The following DLGAP2 variants were observed in gnomAD, a reference collection of about 807,000 sequenced individuals.
DLGAP2 encodes disks large-associated protein 2.
Under a neutral mutation model 100.3 loss-of-function variants are expected in DLGAP2, and 26 were observed. The ratio of observed to expected loss-of-function variants is 0.26; its 90% CI spans 0.19 to 0.36. The LOEUF is 0.36. Ranked by LOEUF, DLGAP2 falls within the 10% of genes least tolerant of loss-of-function variation. The pLI, the probability that DLGAP2 is intolerant of heterozygous loss-of-function variation, is 1.00. For synonymous variants in DLGAP2, 886 were observed against 630.1 expected (o/e 1.41, Z -6.08); for missense variants, 1,858 against 1,453.2 (o/e 1.28, Z -4.53).
chr8:925,887 T>C (rs1294007524), intron 2 of DLGAP2, among the ~76,000 whole-genome samples: 1 of 152,118 alleles, frequency 6.6e-6, no homozygotes, highest in African/African-American at 2.4e-5. Context: ...TAATAAAATG[T>C]ATTTTAATTA....
At chr8:805,520 G>C (rs974395442) in intron 1 of DLGAP2, among the ~76,000 whole-genome samples, 1 of 152,174 alleles carries the variant, frequency 6.6e-6, no homozygotes, top group Admixed American at 6.5e-5. Flanking sequence ...GCTCGCAATC[G>C]GGTTGCATTT....
intron 3 of DLGAP2, among the ~76,000 whole-genome samples, chr8:1,361,499 G>A (rs935438943): frequency 9.9e-5 from 15 of 152,154 alleles, no homozygotes; most frequent in Admixed American, 3.3e-4. Context: ...GGCTCTGTAG[G>A]TAGCCGTCTG....
intron 3 of DLGAP2, among the ~76,000 whole-genome samples, chr8:1,458,235 A>C (rs1447147507): frequency 6.6e-6 from 1 of 151,782 alleles, no homozygotes; most frequent in Admixed American, 6.6e-5. Flanking sequence ...AAGATCTTCT[A>C]TGTTGCCTTC....
intron 2 of DLGAP2, among the ~76,000 whole-genome samples, chr8:1,185,135 C>T (rs1030775255): frequency 6.6e-5 from 10 of 152,048 alleles, no homozygotes; most frequent in Admixed American, 5.2e-4. Flanking sequence ...GCACTGGTGG[C>T]GACGGCATAA....
chr8:822,564 A>T (rs1203191614), intron 1 of DLGAP2, among the ~76,000 whole-genome samples: 1 of 152,246 alleles, frequency 6.6e-6, no homozygotes. Context: ...GAGCAGGGCC[A>T]CGTCACTGCG....
chr8:824,586 C>A (rs1258829412), intron 1 of DLGAP2, among the ~76,000 whole-genome samples: 1 of 151,812 alleles, frequency 6.6e-6, no homozygotes. Flanking sequence ...CTTGTCCTGG[C>A]CCCAGTCCTG....
At chr8:1,259,382 A>C (rs928217832) in intron 3 of DLGAP2, among the ~76,000 whole-genome samples, 1 of 152,242 alleles carries the variant, frequency 6.6e-6, no homozygotes, top group African/African-American at 2.4e-5. Context: ...CACGCGGCAA[A>C]GTAGGGCCCC....
chr8:1,470,134 C>T (rs1270736260), intron 3 of DLGAP2, among the ~76,000 whole-genome samples: 1 of 152,120 alleles, frequency 6.6e-6, no homozygotes, highest in Non-Finnish European at 1.5e-5. Flanking sequence ...CGCACTGCAG[C>T]CTGGGTGACA....
intron 1 of DLGAP2, among the ~76,000 whole-genome samples, chr8:809,282 A>C (rs1479267229): frequency 6.6e-6 from 1 of 152,172 alleles, no homozygotes; most frequent in Admixed American, 6.5e-5. Flanking sequence ...CTGTTGTTTA[A>C]TGTCCAAATT....
chr8:744,686 G>A lies in DLGAP2; in HGVS notation c.18+6861G>A, dbSNP rs113262733. 6.2e-4 allele frequency among the ~76,000 whole-genome samples: 93 copies of A among 149,638 alleles called. 1 individual carries two copies. The highest frequency in any genetic ancestry group is 2.2e-3 in the African/African-American group (88 of 40,630). ...CACTCCCTGCCTCTTCTCCGGCCAC[G>A]TCGCCCTCCCGGGGTGCTGGCTGTC... is the stretch of plus-strand genomic sequence containing the variant. On this transcript the variant is annotated intron_variant, in intron 1 of 14. Coordinates refer to ENST00000637795, the MANE Select transcript of DLGAP2 (RefSeq NM_001346810.2).
chr8:1,208,182 AT>A (rs1177940896), intron 2 of DLGAP2, among the ~76,000 whole-genome samples: 1 of 152,146 alleles, frequency 6.6e-6, no homozygotes, highest in East Asian at 1.9e-4. Context: ...CTTCTAGAAT[AT>A]TTAGGGTTTC....
chr8:1,338,467 C>T (rs888727779), intron 3 of DLGAP2, among the ~76,000 whole-genome samples: 3 of 152,108 alleles, frequency 2.0e-5, no homozygotes, highest in Admixed American at 6.6e-5. Flanking sequence ...AACTAAATTG[C>T]CTGGGTCTGG....
At chr8:1,210,679 G>A (rs558623765) in intron 2 of DLGAP2, among the ~76,000 whole-genome samples, 1 of 152,128 alleles carries the variant, frequency 6.6e-6, no homozygotes, top group Non-Finnish European at 1.5e-5. Flanking sequence ...AGTGAGTCTG[G>A]GGCCACTTGA....
intron 2 of DLGAP2, among the ~76,000 whole-genome samples, chr8:1,089,386 A>G (rs972740968): frequency 1.3e-5 from 2 of 152,226 alleles, no homozygotes; most frequent in Non-Finnish European, 2.9e-5. Flanking sequence ...CCCCTGAGGC[A>G]TGCTGCCCTC....
At chr8:1,442,185 A>G (rs929567593) in intron 3 of DLGAP2, among the ~76,000 whole-genome samples, 3 of 103,512 alleles carry the variant, frequency 2.9e-5, no homozygotes, top group African/African-American at 8.9e-5. Context: ...GGATCCAGGC[A>G]TAGACCTGCC....
At chr8:1,146,272 C>T (rs982786809) in intron 2 of DLGAP2, among the ~76,000 whole-genome samples, 13 of 152,178 alleles carry the variant, frequency 8.5e-5, no homozygotes, top group African/African-American at 2.4e-4. Context: ...CATCTGATAT[C>T]GCGTAGCCTC....
chr8:1,465,769 G>A (rs60636214), intron 3 of DLGAP2, among the ~76,000 whole-genome samples: 3,850 of 152,322 alleles, frequency 0.025, 137 homozygotes, highest in African/African-American at 0.087. Flanking sequence ...AACTAGCAAG[G>A]CCTATGTGTT....
chr8:805,032 A>C (rs984066303), intron 1 of DLGAP2, among the ~76,000 whole-genome samples: 2 of 151,944 alleles, frequency 1.3e-5, no homozygotes, highest in Non-Finnish European at 2.9e-5. Context: ...TGCCCTCCCA[A>C]ATTGTTGGGA....
At chr8:1,191,296 G>A (rs1025349089) in intron 2 of DLGAP2, among the ~76,000 whole-genome samples, 8 of 149,774 alleles carry the variant, frequency 5.3e-5, no homozygotes, top group African/African-American at 7.4e-5. Context: ...TCAGCCTCCC[G>A]AGTAGCTGGG....
Sources: gnomAD v4.1 joint callset for allele counts (sites outside exome capture counted in the v4.1 genomes callset) on GRCh38, gnomAD v4.1.1 for gene constraint, MANE v1.5 for transcripts, NCBI Gene and HGNC (gene_info 2026-07-23, HGNC 2026-07-21) for gene names.